The following PHLPP2 variants were observed in gnomAD, a reference collection of about 807,000 sequenced individuals.
PHLPP2 encodes PH domain and leucine rich repeat protein phosphatase 2.
PHLPP2 carries 66 observed loss-of-function variants against 124.9 expected under a neutral mutation model. That is an observed-to-expected ratio of 0.53 (90% confidence interval 0.43 to 0.65). The LOEUF is 0.65. PHLPP2 is among the 30% of genes least tolerant of loss of function. The pLI, the probability that PHLPP2 is intolerant of heterozygous loss-of-function variation, is 0.00. For missense variants in PHLPP2, 1,685 were observed against 1,600.4 expected (o/e 1.05, Z -0.90); for synonymous variants, 681 against 624.7 (o/e 1.09, Z -1.34).
chr16:71,696,069 A>T (rs1439782237), intron 3 of PHLPP2, among the ~76,000 whole-genome samples: 1 of 152,224 alleles, frequency 6.6e-6, no homozygotes, highest in East Asian at 1.9e-4. Flanking sequence ...AATAAATAAA[A>T]ATATAAAATA....
chr16:71,684,635 TAA>T (rs746648805), intron 4 of PHLPP2, 34 bp from the exon 5 acceptor site: 39 of 1,196,540 alleles, frequency 3.3e-5, no homozygotes, highest in Middle Eastern at 2.2e-4. Context: ...CCAGAACCAC[TAA>T]AAAAAAAAAT....
chr16:71,700,975 G>A (rs976654290), intron 3 of PHLPP2, among the ~76,000 whole-genome samples: 2 of 152,144 alleles, frequency 1.3e-5, no homozygotes, highest in Admixed American at 6.5e-5. Context: ...ATGTTGTGAA[G>A]ACGCCTAGGA....
rs150169796 is a variant in PHLPP2, at chr16:71,655,415, C to T, written c.2410G>A (p.Ala804Thr). The change falls in exon 17 of 19, where the codon GCT becomes ACT. Residue 804 changes from alanine to threonine, a missense_variant. Transcript: ENST00000568954. ...ACCCCCTCTGCAAAGCTATCCATAGCAAGTGCTGAGACACACAGCCTATAA... is the reference window on the plus strand; with the variant it reads ...ACCCCCTCTGCAAAGCTATCCATAGTAAGTGCTGAGACACACAGCCTATAA... ...QRNKLCVSAL[A>T]MDSFAEGVGA... 94 of 1,613,544 alleles carry T rather than the reference C, an allele frequency of 5.8e-5. No homozygotes were observed. The highest frequency in any genetic ancestry group is 7.3e-5 in the Non-Finnish European group (86 of 1,179,764).
Position 71,683,928 on chromosome 16 carries a change from G to A in PHLPP2, c.735+548C>T, listed in dbSNP as rs918660590. ...GCAGCTCAGCATCCCAAGTAGCTGG[G>A]ATTACAGGCATGTGCCACTACACCC... On this transcript the variant is annotated intron_variant, in intron 5 of 18. Transcript: ENST00000568954. Among the ~76,000 whole-genome samples the A allele has an allele frequency of 7.5e-5, 11 of 147,634 alleles. 1 individual carries two copies. Among genetic ancestry groups the A allele is most frequent in the Non-Finnish European group, 6.0e-5 (4 of 66,998 alleles).
chr16:71,651,207 G>A (rs952868195), intron 18 of PHLPP2, among the ~76,000 whole-genome samples: 7 of 152,082 alleles, frequency 4.6e-5, no homozygotes, highest in Non-Finnish European at 8.8e-5. Context: ...GTATAGTGGC[G>A]CATGCCTATA....
intron 8 of PHLPP2, 111 bp downstream of exon 8, chr16:71,678,641 AAAC>A: frequency 1.5e-6 from 1 of 671,994 alleles, no homozygotes; most frequent in South Asian, 1.9e-5. Flanking sequence ...CCTTGTCTCA[AAAC>A]AACAACAAAA....
Position 71,664,043 on chromosome 16 carries a change from G to T in PHLPP2, c.1841C>A (p.Thr614Asn). Residue 614 changes from threonine (T) to asparagine (N), a missense_variant, in exon 13 of 19, where the codon ACT (threonine) becomes AAT (asparagine). Transcript: ENST00000568954. ...NSLESLPSAC[T>N]GEESLSMLQL... Reference sequence around the variant, plus strand: ...CAGCATACTCAAACTCTCCTCTCCAGTGCAGGCGGATGGTAAAGACTCCAG... The same window carrying T: ...CAGCATACTCAAACTCTCCTCTCCATTGCAGGCGGATGGTAAAGACTCCAG... 1 of 1,613,926 alleles carries T rather than the reference G, an allele frequency of 6.2e-7. No individual in the cohort carries two copies. The highest frequency in any genetic ancestry group is 8.5e-7 in the Non-Finnish European group (1 of 1,179,808).
At chr16:71,702,242 T>C (rs868591432) in intron 3 of PHLPP2, among the ~76,000 whole-genome samples, 2 of 152,202 alleles carry the variant, frequency 1.3e-5, no homozygotes, top group African/African-American at 4.8e-5. Flanking sequence ...TAATGATTAC[T>C]TACTCTCAAC....
chr16:71,720,239 G>C (rs1432155140), intron 1 of PHLPP2, among the ~76,000 whole-genome samples: 3 of 151,732 alleles, frequency 2.0e-5, no homozygotes, highest in Non-Finnish European at 4.4e-5. Flanking sequence ...AAAGTGCTGG[G>C]ATTACAGGCG....
intron 1 of PHLPP2, among the ~76,000 whole-genome samples, chr16:71,721,520 A>G (rs964040436): frequency 8.5e-5 from 13 of 152,198 alleles, no homozygotes; most frequent in Non-Finnish European, 1.8e-4. Flanking sequence ...ACTTGAGCTC[A>G]GGAGTTTGAA....
chr16:71,667,957 T>C (rs919545066), intron 11 of PHLPP2, among the ~76,000 whole-genome samples: 2 of 152,200 alleles, frequency 1.3e-5, no homozygotes, highest in African/African-American at 4.8e-5. Flanking sequence ...TATCATTCCC[T>C]GCCGCCTTCA....
intron 1 of PHLPP2, among the ~76,000 whole-genome samples, chr16:71,719,432 C>CCCA (rs2045383548): frequency 6.6e-6 from 1 of 152,114 alleles, no homozygotes; most frequent in Non-Finnish European, 1.5e-5. Flanking sequence ...CCCAGCTACC[C>CCCA]TGGAGGCTGA....
At chr16:71,653,988 G>A (rs183096297) in intron 17 of PHLPP2, among the ~76,000 whole-genome samples, 452 of 151,800 alleles carry the variant, frequency 3.0e-3, no homozygotes, top group Non-Finnish European at 5.0e-3. Context: ...GAGGTCAGGA[G>A]ATCGAGACCA....
chr16:71,723,286 C>A (rs907940898), intron 1 of PHLPP2: 20 of 152,566 alleles, frequency 1.3e-4, no homozygotes, highest in African/African-American at 4.6e-4. Flanking sequence ...CTCCGCGGCG[C>A]CGGCCAATCG....
intron 17 of PHLPP2, chr16:71,654,975 CACA>C (rs2044729858): frequency 4.8e-6 from 2 of 413,744 alleles, no homozygotes; most frequent in Admixed American, 7.2e-5. Flanking sequence ...TATATACACA[CACA>C]ACATTTTGCA....
At chr16:71,715,300 T>A (rs189965800) in intron 1 of PHLPP2, 2 of 154,698 alleles carry the variant, frequency 1.3e-5, no homozygotes, top group Non-Finnish European at 2.9e-5. Context: ...ACCCGGGAGA[T>A]TGAGGTTGCA....
At chr16:71,669,060 A>C (rs1224527568) in intron 11 of PHLPP2, among the ~76,000 whole-genome samples, 1 of 152,186 alleles carries the variant, frequency 6.6e-6, no homozygotes, top group African/African-American at 2.4e-5. Flanking sequence ...ACAGTTATCC[A>C]CATATGTTAC....
chr16:71,708,397 G>T (rs112107237), intron 2 of PHLPP2, among the ~76,000 whole-genome samples: 1 of 152,184 alleles, frequency 6.6e-6, no homozygotes, highest in African/African-American at 2.4e-5. Flanking sequence ...AACCCTGCCC[G>T]CAAGAGCAGG....
chr16:71,668,479 A>G (rs931051134), intron 11 of PHLPP2, among the ~76,000 whole-genome samples: 1 of 147,902 alleles, frequency 6.8e-6, no homozygotes, highest in Non-Finnish European at 1.5e-5. Context: ...ACTACATCCA[A>G]GGCCAGGTGT....
Sources: gnomAD v4.1 joint callset for allele counts (sites outside exome capture counted in the v4.1 genomes callset) on GRCh38, gnomAD v4.1.1 for gene constraint, MANE v1.5 for transcripts, NCBI Gene and HGNC (gene_info 2026-07-23, HGNC 2026-07-21) for gene names.